LZTFL1: variants seen among roughly 807,000 people sequenced by gnomAD.
The protein encoded by LZTFL1 is leucine zipper transcription factor-like protein 1.
In LZTFL1, 25 loss-of-function variants were observed where a neutral mutation model predicts 45.9. That is an observed-to-expected ratio of 0.54 (90% CI 0.40 to 0.76). LZTFL1 has a LOEUF of 0.76. Among genes scored for constraint, LZTFL1 ranks in the 30% least tolerant of loss-of-function variants. The probability of loss-of-function intolerance (pLI) is 0.00; values close to 1 mark genes in which losing one functional copy is unlikely to be tolerated. For missense variants in LZTFL1, 277 were observed against 331.1 expected, an observed-to-expected ratio of 0.84 and a Z score of 1.27; for synonymous variants, 93 against 117.4, an observed-to-expected ratio of 0.79 and a Z score of 1.35.
chr3:45,915,055 G>C (rs375154032), intron 1 of LZTFL1, among the ~76,000 whole-genome samples: 1 of 152,202 alleles, frequency 6.6e-6, no homozygotes, highest in African/African-American at 2.4e-5. Flanking sequence ...CTCTGAGGCA[G>C]AGGAACAAAC....
intron 2 of LZTFL1, among the ~76,000 whole-genome samples, chr3:45,896,184 C>T (rs948558679): frequency 4.6e-5 from 7 of 152,234 alleles, no homozygotes; most frequent in Non-Finnish European, 1.0e-4. Context: ...ACCTTTCAAT[C>T]CCTGAGGCTG....
chr3:45,846,847 A>G (rs1484249012), upstream of LZTFL1, among the ~76,000 whole-genome samples: 2 of 152,148 alleles, frequency 1.3e-5, no homozygotes, highest in Non-Finnish European at 2.9e-5. Context: ...ATGGAAATGC[A>G]TAATTTCTGT....
intron 2 of LZTFL1, chr3:45,883,739 C>T (rs1337452888): frequency 1.8e-6 from 1 of 561,372 alleles, no homozygotes; most frequent in Non-Finnish European, 3.3e-6. Flanking sequence ...AAAGGCCTGC[C>T]TTGGCAGCTT....
intron 2 of LZTFL1, among the ~76,000 whole-genome samples, chr3:45,876,505 G>A (rs144382445): frequency 6.6e-5 from 10 of 152,256 alleles, no homozygotes; most frequent in African/African-American, 1.9e-4. Context: ...CACCCTGCAA[G>A]CAAGTGTAGA....
rs1559421433 is a variant in LZTFL1, at chr3:45,890,284, T to TATATATATAACATATATA, written c.-215+22835_-215+22836insTATATATGTTATATATAT. Among the ~76,000 whole-genome samples the TATATATATAACATATATA allele has an allele frequency of 5.0e-4, 41 of 81,880 alleles. 5 individuals are homozygous for TATATATATAACATATATA. The highest frequency in any genetic ancestry group is 6.6e-3 in the Middle Eastern group (1 of 152). 53.7% of individuals were successfully genotyped at this position (81,880 alleles called of 152,430 possible). ...ATATATATATAACATATATATATAT[T>TATATATATAACATATATA]TATATAAATATATATATAACATATA... On this transcript the variant is annotated intron_variant, in intron 2 of 4. Transcript: ENST00000472635.
At chr3:45,846,003 A>G (rs562956837), upstream of LZTFL1, among the ~76,000 whole-genome samples, 1 of 152,360 alleles carries the variant, frequency 6.6e-6, no homozygotes, top group South Asian at 2.1e-4. Context: ...TATTTATTAT[A>G]TAATAACATA....
At chr3:45,864,419 G>A (rs1207481479) in intron 2 of LZTFL1, among the ~76,000 whole-genome samples, 2 of 151,924 alleles carry the variant, frequency 1.3e-5, no homozygotes, top group South Asian at 2.1e-4. Context: ...AATCTTCATC[G>A]ACTAGTAAAA....
At chr3:45,895,481 C>T (rs895881867) in intron 2 of LZTFL1, among the ~76,000 whole-genome samples, 9 of 152,216 alleles carry the variant, frequency 5.9e-5, no homozygotes, top group Middle Eastern at 3.2e-3. Flanking sequence ...GAGGCAGAGG[C>T]GGGCGGATCA....
chr3:45,912,713 C>T (rs1391646363), intron 2 of LZTFL1, among the ~76,000 whole-genome samples: 1 of 152,172 alleles, frequency 6.6e-6, no homozygotes, highest in Admixed American at 6.5e-5. Flanking sequence ...GCAGCCAACC[C>T]TCAGACATGT....
intron 2 of LZTFL1, among the ~76,000 whole-genome samples, chr3:45,861,697 A>C (rs1455937530): frequency 1.3e-5 from 2 of 152,260 alleles, no homozygotes; most frequent in Non-Finnish European, 2.9e-5. Context: ...ACAGATAAGT[A>C]GGAGCATAGC....
chr3:45,908,578 G>C (rs1359166175), intron 2 of LZTFL1, among the ~76,000 whole-genome samples: 1 of 152,034 alleles, frequency 6.6e-6, no homozygotes, highest in South Asian at 2.1e-4. Flanking sequence ...TCCCTGAGGA[G>C]GTAGCGTTTG....
intron 7 of LZTFL1, among the ~76,000 whole-genome samples, chr3:45,830,459 A>T (rs1700784415): frequency 6.6e-6 from 1 of 152,124 alleles, no homozygotes; most frequent in African/African-American, 2.4e-5. Context: ...ATTTTGTCAC[A>T]CTCATCAAAG....
intron 2 of LZTFL1, among the ~76,000 whole-genome samples, chr3:45,866,057 T>C (rs960380303): frequency 1.3e-5 from 2 of 152,180 alleles, no homozygotes; most frequent in African/African-American, 4.8e-5. Context: ...TGTATTACAA[T>C]TTATATAAAA....
At chr3:45,827,173 C>A (rs548305147) in intron 9 of LZTFL1, 183 bp downstream of exon 9, 34 of 568,856 alleles carry the variant, frequency 6.0e-5, no homozygotes, top group Admixed American at 4.9e-4. Context: ...TAAAAAGAAG[C>A]CCTGGTGGGC....
intron 1 of LZTFL1, among the ~76,000 whole-genome samples, chr3:45,838,703 C>T (rs1701027828): frequency 6.6e-6 from 1 of 152,188 alleles, no homozygotes; most frequent in Admixed American, 6.5e-5. Context: ...AGGGCTAGCA[C>T]CCAAATAACA....
At chr3:45,870,125 C>T (rs1237951927) in intron 2 of LZTFL1, among the ~76,000 whole-genome samples, 1 of 152,204 alleles carries the variant, frequency 6.6e-6, no homozygotes, top group African/African-American at 2.4e-5. Flanking sequence ...TCTCCAGTGC[C>T]CGCTCTCAAG....
chr3:45,857,496 C>T (rs988038911), intron 3 of LZTFL1, among the ~76,000 whole-genome samples: 87 of 152,070 alleles, frequency 5.7e-4, no homozygotes, highest in African/African-American at 2.0e-3. Context: ...AAAACCTGCA[C>T]GTCCCAGGAC....
chr3:45,827,501 TA>T (rs1404227823), intron 8 of LZTFL1, 42 bp from the exon 9 acceptor site: 27 of 1,215,522 alleles, frequency 2.2e-5, no homozygotes, highest in Non-Finnish European at 3.3e-5. Context: ...AAAAAATAGT[TA>T]AGGAAAGAGA....
intron 2 of LZTFL1, among the ~76,000 whole-genome samples, chr3:45,836,763 A>G (rs1263567475): frequency 1.3e-5 from 2 of 152,250 alleles, no homozygotes; most frequent in African/African-American, 2.4e-5. Flanking sequence ...ATAGGAACAC[A>G]GGTTTGAAGA....
Sources: allele counts gnomAD v4.1 joint callset (sites outside exome capture counted in the v4.1 genomes callset), GRCh38; gene constraint gnomAD v4.1.1; transcripts MANE v1.5; gene names NCBI Gene and HGNC (gene_info 2026-07-23, HGNC 2026-07-21).